RBFOX1: variants seen among roughly 807,000 people sequenced by gnomAD.
The protein encoded by RBFOX1 is RNA binding fox-1 homolog 1.
In RBFOX1, 8 loss-of-function variants were observed where a neutral mutation model predicts 57.7. The ratio of observed to expected loss-of-function variants is 0.14; its 90% CI spans 0.08 to 0.25. The LOEUF is 0.25. Among genes scored for constraint, RBFOX1 ranks in the 10% least tolerant of loss-of-function variants. The pLI, the probability that RBFOX1 is intolerant of heterozygous loss-of-function variation, is 1.00. For synonymous variants in RBFOX1, 326 were observed against 222.4 expected, an observed-to-expected ratio of 1.47 and a Z score of -4.15; for missense variants, 611 against 548.5, an observed-to-expected ratio of 1.11 and a Z score of -1.14.
intron 2 of RBFOX1, among the ~76,000 whole-genome samples, chr16:5,531,341 T>G (rs2044470770): frequency 6.6e-6 from 1 of 152,140 alleles, no homozygotes; most frequent in African/African-American, 2.4e-5. Flanking sequence ...TAGGCTGGGG[T>G]TCCATGGCCA....
intron 5 of RBFOX1, among the ~76,000 whole-genome samples, chr16:7,571,458 T>C (rs2092769106): frequency 6.6e-6 from 1 of 152,186 alleles, no homozygotes; most frequent in African/African-American, 2.4e-5. Context: ...GAGCTATTCA[T>C]TGAATTAGGA....
chr16:7,447,403 A>G (rs958951388), intron 4 of RBFOX1, among the ~76,000 whole-genome samples: 1 of 142,700 alleles, frequency 7.0e-6, no homozygotes, highest in African/African-American at 2.6e-5. Context: ...ACTGCACTCC[A>G]GGCTGGCCAA....
chr16:7,465,939 A>G (rs2060438901), intron 4 of RBFOX1, among the ~76,000 whole-genome samples: 4 of 152,216 alleles, frequency 2.6e-5, no homozygotes, highest in Non-Finnish European at 5.9e-5. Flanking sequence ...TTTGTTGCTT[A>G]AAAGAATGAC....
At chr16:6,923,109 T>A (rs572747992) in intron 3 of RBFOX1, among the ~76,000 whole-genome samples, 1 of 152,166 alleles carries the variant, frequency 6.6e-6, no homozygotes, top group African/African-American at 2.4e-5. Context: ...AGAAAGTGAT[T>A]TGTAGAATTC....
At chr16:5,795,621 G>T (rs887487821) in intron 3 of RBFOX1, among the ~76,000 whole-genome samples, 1 of 152,064 alleles carries the variant, frequency 6.6e-6, no homozygotes, top group Non-Finnish European at 1.5e-5. Context: ...CCTTGACCTG[G>T]AATTCTTTCC....
chr16:5,784,007 A>T (rs753605693), intron 3 of RBFOX1, among the ~76,000 whole-genome samples: 6 of 152,220 alleles, frequency 3.9e-5, no homozygotes, highest in Non-Finnish European at 1.5e-5. Context: ...GAGACTGGGT[A>T]ATTTATAAAT....
At chr16:7,472,203 T>C (rs920196359) in intron 4 of RBFOX1, among the ~76,000 whole-genome samples, 2 of 152,220 alleles carry the variant, frequency 1.3e-5, no homozygotes, top group African/African-American at 4.8e-5. Flanking sequence ...TAGAAAGATA[T>C]AGACATAGAC....
At chr16:5,839,024 C>T (rs1223858837) in intron 3 of RBFOX1, among the ~76,000 whole-genome samples, 1 of 152,092 alleles carries the variant, frequency 6.6e-6, no homozygotes, top group Non-Finnish European at 1.5e-5. Flanking sequence ...GTGCTCCTGG[C>T]ATATAGAGTA....
At chr16:7,059,186 C>T (rs1323692438) in intron 4 of RBFOX1, among the ~76,000 whole-genome samples, 2 of 152,114 alleles carry the variant, frequency 1.3e-5, no homozygotes, top group African/African-American at 4.8e-5. Flanking sequence ...TCAGAGATAC[C>T]TTCTCCCGCT....
At chr16:6,922,693 C>T (rs900408477) in intron 3 of RBFOX1, among the ~76,000 whole-genome samples, 2 of 152,106 alleles carry the variant, frequency 1.3e-5, no homozygotes, top group Non-Finnish European at 2.9e-5. Flanking sequence ...TTTTGGGCCT[C>T]ACTGCATCCA....
chr16:7,086,330 C>G (rs1031628431), intron 4 of RBFOX1, among the ~76,000 whole-genome samples: 11 of 152,124 alleles, frequency 7.2e-5, no homozygotes, highest in Non-Finnish European at 1.6e-4. Context: ...GGTCAAAACT[C>G]AGACCTGAGC....
At chr16:7,227,190 T>G (rs1330158033) in intron 4 of RBFOX1, among the ~76,000 whole-genome samples, 1 of 152,074 alleles carries the variant, frequency 6.6e-6, no homozygotes, top group Non-Finnish European at 1.5e-5. Flanking sequence ...CTATGCAATG[T>G]GTCATTCCAT....
intron 4 of RBFOX1, among the ~76,000 whole-genome samples, chr16:5,993,472 A>G (rs1007645707): frequency 6.6e-6 from 1 of 152,032 alleles, no homozygotes; most frequent in Non-Finnish European, 1.5e-5. Context: ...TGAAGCTCTC[A>G]GTAAACACAT....
chr16:5,625,017 T>TACC (rs2048307765), intron 3 of RBFOX1, among the ~76,000 whole-genome samples: 3 of 152,188 alleles, frequency 2.0e-5, no homozygotes, highest in Admixed American at 2.0e-4. Context: ...GCACGAGAGA[T>TACC]ACCAGCAGTC....
intron 4 of RBFOX1, among the ~76,000 whole-genome samples, chr16:7,069,353 T>C (rs114639718): frequency 0.01 from 1,539 of 152,256 alleles, 30 homozygotes; most frequent in African/African-American, 0.035. Flanking sequence ...CTCCCTCCCA[T>C]CAGTCTCCCC....
At chr16:6,509,269 T>C (rs2096195438) in intron 2 of RBFOX1, among the ~76,000 whole-genome samples, 1 of 152,296 alleles carries the variant, frequency 6.6e-6, no homozygotes, top group Non-Finnish European at 1.5e-5. Flanking sequence ...TTTGAGCTCC[T>C]TATATATTCT....
intron 4 of RBFOX1, among the ~76,000 whole-genome samples, chr16:7,433,847 A>G (rs1027715245): frequency 6.6e-6 from 1 of 152,226 alleles, no homozygotes; most frequent in Non-Finnish European, 1.5e-5. Context: ...TGTGTGTGCC[A>G]TGGAGTAAGC....
chr16:5,890,048 A>C (rs1030671333), intron 4 of RBFOX1, among the ~76,000 whole-genome samples: 2 of 152,140 alleles, frequency 1.3e-5, no homozygotes, highest in African/African-American at 4.8e-5. Context: ...GTTGACTGGC[A>C]GTTCCGTGTG....
intron 3 of RBFOX1, among the ~76,000 whole-genome samples, chr16:6,854,822 C>T (rs1329654997): frequency 6.6e-6 from 1 of 151,988 alleles, no homozygotes; most frequent in East Asian, 1.9e-4. Flanking sequence ...TCTGCATCTC[C>T]TGACCTCGTG....
Sources: gnomAD v4.1 joint callset for allele counts (sites outside exome capture counted in the v4.1 genomes callset) on GRCh38, gnomAD v4.1.1 for gene constraint, MANE v1.5 for transcripts, NCBI Gene and HGNC (gene_info 2026-07-23, HGNC 2026-07-21) for gene names.